Variants in SDC2 observed in about 807,000 individuals in gnomAD.
SDC2 encodes syndecan 2, also known as syndecan-2.
In SDC2, 13 loss-of-function variants were observed where a neutral mutation model predicts 22.2. The ratio of observed to expected loss-of-function variants is 0.59; its 90% CI spans 0.38 to 0.93. The LOEUF (loss-of-function observed/expected upper bound fraction) is 0.93. Ranked by LOEUF, SDC2 falls within the 40% of genes least tolerant of loss-of-function variation. The pLI is 0.00. For missense variants in SDC2, 235 were observed against 246.8 expected (o/e 0.95, Z 0.32); for synonymous variants, 94 against 92.8 (o/e 1.01, Z -0.07).
Position 96,541,673 on chromosome 8 carries a change from G to A in SDC2, c.60+47342G>A, listed in dbSNP as rs569619419. ...ATTCATAGAGGCAGAAAGTACAATG[G>A]CGGCTGCCAGGGGCTGAGGGAGGGG... On this transcript the variant is annotated intron_variant, in intron 1 of 4. Transcript: ENST00000302190. Among the ~76,000 whole-genome samples, 3 of 136,632 alleles carry A rather than the reference G, an allele frequency of 2.2e-5. No homozygotes were observed. In the South Asian group the frequency reaches 7.5e-4, roughly 34 times the overall value. The allele number at this position is 136,632 out of a possible 152,430, so 89.6% of individuals were successfully genotyped here. A position where few individuals can be genotyped will look rare whatever the true frequency, so the allele number is the denominator to read the frequency against.
Position 96,494,249 on chromosome 8 carries a change from G to T in SDC2, c.-23G>T, listed in dbSNP as rs770594933. The T allele has an allele frequency of 1.9e-6, 3 of 1,541,792 alleles. No homozygotes were observed. The highest frequency in any genetic ancestry group is 2.6e-6 in the Non-Finnish European group (3 of 1,146,974). On this transcript the variant is annotated 5_prime_UTR_variant, in exon 1 of 5. Transcript: ENST00000302190. ...TTGCCCTGGTTGCAAGCAGCGGCTG[G>T]GAGCAGCCGGTCCCTGGGGAATATG...
intron 1 of SDC2, among the ~76,000 whole-genome samples, chr8:96,551,246 G>A (rs555559801): frequency 1.3e-5 from 2 of 152,280 alleles, no homozygotes; most frequent in South Asian, 4.1e-4. Context: ...GCTCCAAGAA[G>A]TTCACTTCTC....
intron 1 of SDC2, among the ~76,000 whole-genome samples, chr8:96,570,362 A>G (rs939960167): frequency 4.6e-5 from 7 of 152,244 alleles, no homozygotes; most frequent in Non-Finnish European, 7.3e-5. Context: ...CATCTGCCTT[A>G]AAGACATTTG....
chr8:96,494,316 C>T lies in SDC2; in HGVS notation c.45C>T (p.Cys15=). 1 of 1,544,610 alleles carries T rather than the reference C, an allele frequency of 6.5e-7. No homozygotes were observed. The highest frequency in any genetic ancestry group is 8.7e-7 in the Non-Finnish European group (1 of 1,149,136). Residue 15 remains cysteine, a synonymous_variant, in exon 1 of 5, where the codon TGC becomes TGT. Transcript: ENST00000302190. The stretch of plus-strand genomic sequence containing the variant: ...TGCTCACCTTGGGCTTGGTGGCCTG[C>T]GTGTCGGCGGAGTCGGTGAGTGGGC... ...WILLTLGLVA[C]VSAESRAELT... is the part of the protein sequence containing the mutation.
intron 2 of SDC2, among the ~76,000 whole-genome samples, chr8:96,596,516 C>T (rs1410736468): frequency 6.6e-6 from 1 of 152,192 alleles, no homozygotes; most frequent in Non-Finnish European, 1.5e-5. Flanking sequence ...GTGCCATGCT[C>T]TTGGGGCACA....
chr8:96,507,383 T>C (rs1336767053), intron 1 of SDC2, among the ~76,000 whole-genome samples: 2 of 152,266 alleles, frequency 1.3e-5, no homozygotes, highest in African/African-American at 4.8e-5. Context: ...TTTTACGTTA[T>C]ACATTTAGCA....
Position 96,601,511 on chromosome 8 carries a change from T to C in SDC2, c.173-884T>C, listed in dbSNP as rs897557653. The stretch of plus-strand genomic sequence containing the variant: ...AAAAAATTAGCTGGGTGTCGTAGCA[T>C]GCGCCTGTAGTCCCAGCTACTCGGG... On this transcript the variant is annotated intron_variant, in intron 2 of 4. Coordinates refer to ENST00000302190, the MANE Select transcript of SDC2 (RefSeq NM_002998.4). Among the ~76,000 whole-genome samples, 3 of 151,560 alleles carry C rather than the reference T, an allele frequency of 2.0e-5. No individual in the cohort carries two copies. In the East Asian group the frequency reaches 6.0e-4, roughly 30 times the overall value.
chr8:96,605,407 T>G (rs1344234274), intron 3 of SDC2, among the ~76,000 whole-genome samples: 1 of 152,236 alleles, frequency 6.6e-6, no homozygotes, highest in Non-Finnish European at 1.5e-5. Flanking sequence ...ATCCATTCTC[T>G]GACCTGTTGT....
intron 3 of SDC2, among the ~76,000 whole-genome samples, chr8:96,606,974 AGCATTACCACCTGAGCTCCGCC>A (rs1402477390): frequency 1.3e-5 from 2 of 152,122 alleles, no homozygotes; most frequent in Non-Finnish European, 2.9e-5. Flanking sequence ...GAAGTGAGTG[AGCATTACCACCTGAGCTCCGCC>A]TCCTGTCAGA....
At chr8:96,604,985 T>C (rs1815053225) in intron 3 of SDC2, among the ~76,000 whole-genome samples, 1 of 152,232 alleles carries the variant, frequency 6.6e-6, no homozygotes, top group Non-Finnish European at 1.5e-5. Flanking sequence ...TTGAGGCTTG[T>C]GCACCTCCAG....
intron 1 of SDC2, among the ~76,000 whole-genome samples, chr8:96,496,292 T>C (rs996598447): frequency 6.6e-5 from 10 of 152,248 alleles, no homozygotes; most frequent in African/African-American, 2.4e-4. Context: ...CCCTGAACTG[T>C]GTATCTTTGG....
intron 1 of SDC2, chr8:96,538,790 T>C (rs2130506081): frequency 6.6e-6 from 1 of 152,382 alleles, no homozygotes; most frequent in East Asian, 1.9e-4. Context: ...TCATTAGCCC[T>C]GTGCACAGTT....
At chr8:96,601,397 T>C in intron 2 of SDC2, among the ~76,000 whole-genome samples, 1 of 151,844 alleles carries the variant, frequency 6.6e-6, no homozygotes. Context: ...ATCCCAGAAC[T>C]TTGGGAGGCT....
chr8:96,543,061 G>C (rs1813877602), intron 1 of SDC2, among the ~76,000 whole-genome samples: 1 of 152,178 alleles, frequency 6.6e-6, no homozygotes, highest in Admixed American at 6.5e-5. Flanking sequence ...CAAACATTTA[G>C]ATGTTTTTTG....
At chr8:96,529,398 A>G (rs940008989) in intron 1 of SDC2, 2 of 152,212 alleles carry the variant, frequency 1.3e-5, no homozygotes, top group Non-Finnish European at 2.9e-5. Flanking sequence ...TTTACTGTTA[A>G]GAATTTGTTA....
intron 1 of SDC2, among the ~76,000 whole-genome samples, chr8:96,566,113 T>G (rs557420843): frequency 6.6e-6 from 1 of 152,346 alleles, no homozygotes; most frequent in East Asian, 1.9e-4. Flanking sequence ...GGAATAGTGT[T>G]CTTCCTGTCA....
At chr8:96,549,769 T>C (rs939929214) in intron 1 of SDC2, among the ~76,000 whole-genome samples, 6 of 152,238 alleles carry the variant, frequency 3.9e-5, no homozygotes, top group African/African-American at 1.4e-4. Context: ...AAGTATTTAC[T>C]ATTAAATTTG....
chr8:96,579,127 G>A (rs551294141), intron 1 of SDC2, among the ~76,000 whole-genome samples: 1 of 152,180 alleles, frequency 6.6e-6, no homozygotes, highest in African/African-American at 2.4e-5. Context: ...CACGTGGTAG[G>A]TGCCACGCTG....
intron 1 of SDC2, among the ~76,000 whole-genome samples, chr8:96,535,170 A>T (rs570294119): frequency 6.6e-6 from 1 of 152,016 alleles, no homozygotes; most frequent in Admixed American, 6.6e-5. Context: ...CACCACGCCC[A>T]GCTAATTTTT....
Sources: allele counts gnomAD v4.1 joint callset (sites outside exome capture counted in the v4.1 genomes callset), GRCh38; gene constraint gnomAD v4.1.1; transcripts MANE v1.5; gene names NCBI Gene and HGNC (gene_info 2026-07-23, HGNC 2026-07-21).